The following ZSWIM8 variants were observed in gnomAD, a reference collection of about 807,000 sequenced individuals.
The protein encoded by ZSWIM8 is zinc finger SWIM-type containing 8, also known as zinc finger SWIM domain-containing protein 8.
In ZSWIM8, 27 loss-of-function variants were observed where a neutral mutation model predicts 173.7. That is an observed-to-expected ratio of 0.16 (90% confidence interval 0.11 to 0.21). The LOEUF (loss-of-function observed/expected upper bound fraction) is 0.21, where lower values mean the gene tolerates loss of function less well. ZSWIM8 is among the 10% of genes least tolerant of loss of function. The pLI is 1.00. For synonymous variants in ZSWIM8, 958 were observed against 962.0 expected (o/e 1.00, Z 0.08); for missense variants, 1,627 against 2,428.8 (o/e 0.67, Z 6.94).
At position 73,791,793 on chromosome 10, in the gene ZSWIM8, A is replaced by C; in HGVS notation, c.1320-66A>C. ...TTCCCCATGCCTCTCTTTGGGGTGT[A>C]CACCTACTCCATGCCCATCCTTTCC... On this transcript the variant is annotated intron_variant, in intron 9 of 25. Coordinates refer to ENST00000604729, the MANE Select transcript of ZSWIM8 (RefSeq NM_001367799.1). The surrounding 1 kb of genome is among the most constrained non-coding windows in gnomAD (Gnocchi z 6.0). The C allele has an allele frequency of 4.1e-5, 59 of 1,450,516 alleles. No individual in the cohort carries two copies. Among genetic ancestry groups the C allele is most frequent in the Non-Finnish European group, 4.9e-5 (54 of 1,092,696 alleles). The allele number at this position is 1,450,516 out of a possible 1,614,324, so 89.9% of individuals were successfully genotyped here. A position where few individuals can be genotyped will look rare whatever the true frequency, so the allele number is the denominator to read the frequency against.
rs747687100 is a variant in ZSWIM8, at chr10:73,800,054, T to G, written c.4709T>G (p.Val1570Gly). ...AFLGAQYPYS[V>G]TPPSLAATAV... The stretch of plus-strand genomic sequence containing the variant: ...CTAGGGGCTCAGTACCCTTATTCAG[T>G]GACTCCTCCCTCACTTGCTGCCACT... Residue 1570 changes from valine (V) to glycine (G), a missense_variant, in exon 22 of 26, where the codon GTG (valine) becomes GGG (glycine). Transcript: ENST00000604729. This position sits in a 1 kb window ranked among gnomAD's most constrained non-coding sequence, Gnocchi z 4.1. 18 of 1,613,726 alleles carry G rather than the reference T, an allele frequency of 1.1e-5. No individual in the cohort carries two copies. Among genetic ancestry groups the G allele is most frequent in the Non-Finnish European group, 1.4e-5 (16 of 1,179,852 alleles).
In ZSWIM8 at chr10:73,789,857, G is replaced by A. The variant is rs1589557622; in HGVS notation, c.738+33G>A. On this transcript the variant is annotated intron_variant, in intron 5 of 25. Coordinates refer to ENST00000604729, the MANE Select transcript of ZSWIM8 (RefSeq NM_001367799.1). This position sits in a 1 kb window ranked among gnomAD's most constrained non-coding sequence, Gnocchi z 6.8. ...AGGTCGGCACCCCCTCCTGCAATTAGCTCCGGGCCAGGCCGCATAACAGCC... is the reference window on the plus strand; with the variant it reads ...AGGTCGGCACCCCCTCCTGCAATTAACTCCGGGCCAGGCCGCATAACAGCC... 4 of 1,586,966 alleles carry A rather than the reference G, an allele frequency of 2.5e-6. No individual in the cohort carries two copies. In the African/African-American group the frequency reaches 5.4e-5, roughly 21 times the overall value.
rs2132825279 is a variant in ZSWIM8, at chr10:73,800,593, T to C, written c.5003-47T>C. 12 of 1,607,822 alleles carry C rather than the reference T, an allele frequency of 7.5e-6. No homozygotes were observed. Among genetic ancestry groups the C allele is most frequent in the Middle Eastern group, 1.7e-4 (1 of 6,018 alleles). On this transcript the variant is annotated intron_variant, in intron 23 of 25. Coordinates refer to ENST00000604729, the MANE Select transcript of ZSWIM8 (RefSeq NM_001367799.1). The surrounding 1 kb of genome is among the most constrained non-coding windows in gnomAD (Gnocchi z 4.1). ...TCAGGTGACAGGTTGGGGTAAAGGG[T>C]GAAGAGGATACACCGTACCATGTGC... is the stretch of plus-strand genomic sequence containing the variant.
Position 73,785,744 on chromosome 10 carries a change from ACGGCCGCCCTGAGCGCCC to A in ZSWIM8, c.-129_-112del. The A allele has an allele frequency of 1.1e-6, 1 of 911,432 alleles. No individual in the cohort carries two copies. The highest frequency in any genetic ancestry group is 1.5e-5 in the South Asian group (1 of 68,300). 56.5% of individuals were successfully genotyped at this position (911,432 alleles called of 1,614,324 possible). A position where few individuals can be genotyped will look rare whatever the true frequency, so the allele number is the denominator to read the frequency against. ...CCCAGGCCTGAGATTCTCGCCCGGCACGGCCGCCCTGAGCGCCCCGGCCACCCCCAGCCCCGGCTCGCC... is the reference window on the plus strand; with the variant it reads ...CCCAGGCCTGAGATTCTCGCCCGGCACGGCCACCCCCAGCCCCGGCTCGCC... On this transcript the variant is annotated 5_prime_UTR_variant, in exon 1 of 26. Transcript: ENST00000604729.
At chr10:73,787,932 TC>T (rs1281754105) in intron 1 of ZSWIM8, among the ~76,000 whole-genome samples, 2 of 152,228 alleles carry the variant, frequency 1.3e-5, no homozygotes, top group Non-Finnish European at 2.9e-5. Flanking sequence ...TCTATGATTT[TC>T]TGATCTATTA....
At position 73,792,260 on chromosome 10, in the gene ZSWIM8, C is replaced by G. The variant is rs866329243; in HGVS notation, c.1721C>G (p.Ala574Gly). ...RRLSAEGGDKALHKMGPGGGK... is the reference protein window; with the variant it reads ...RRLSAEGGDKGLHKMGPGGGK... ...CTCTCAGCTGAAGGGGGAGATAAAG[C>G]TCTACATAAGATGGGTCCAGGTGGG... Residue 574 changes from alanine (A) to glycine (G), a missense_variant, in exon 10 of 26, where the codon GCT (alanine) becomes GGT (glycine). Around this residue, in one of 18 missense-constraint regions of ZSWIM8, gnomAD observed 383 missense variants for 394.8 expected, o/e 0.97. Transcript: ENST00000604729. This position sits in a 1 kb window ranked among gnomAD's most constrained non-coding sequence, Gnocchi z 4.3. 6.3e-7 allele frequency: 1 copy of G among 1,589,004 alleles called. No individual in the cohort carries two copies. The highest frequency in any genetic ancestry group is 8.6e-7 in the Non-Finnish European group (1 of 1,166,514).
Position 73,801,115 on chromosome 10 carries a change from A to T in ZSWIM8, c.5221A>T (p.Ser1741Cys). 6.3e-7 allele frequency: 1 copy of T among 1,582,210 alleles called. No individual in the cohort carries two copies. Among genetic ancestry groups the T allele is most frequent in the South Asian group, 1.2e-5 (1 of 86,548 alleles). ...EIVMETLQRL[S>C]PAHAHNHLRA... ...CGTCATGGAGACGCTGCAGCGGCTG[A>T]GTCCCGCTCATGCCCACAACCACCT... Residue 1741 changes from serine (S) to cysteine (C), a missense_variant, in exon 25 of 26, where the codon AGT (serine) becomes TGT (cysteine). By Grantham distance (112) the Ser-to-Cys change is moderately radical (BLOSUM62 -1). Around this residue, in one of 18 missense-constraint regions of ZSWIM8, gnomAD observed 122 missense variants for 196.1 expected, o/e 0.62. Transcript: ENST00000604729. The surrounding 1 kb of genome is among the most constrained non-coding windows in gnomAD (Gnocchi z 4.9).
At position 73,791,965 on chromosome 10, in the gene ZSWIM8, C is replaced by T. The variant is rs1319034497; in HGVS notation, c.1426C>T (p.Arg476Trp). 2.6e-6 allele frequency: 4 copies of T among 1,551,050 alleles called. No homozygotes were observed. The highest frequency in any genetic ancestry group is 1.2e-5 in the South Asian group (1 of 84,066). The change falls in exon 10 of 26, where the codon CGG becomes TGG. Residue 476 changes from arginine to tryptophan, a missense_variant. This residue lies in a region of ZSWIM8 where 103 missense variants were observed against 155.6 expected (regional missense o/e 0.66). Coordinates refer to ENST00000604729, the MANE Select transcript of ZSWIM8 (RefSeq NM_001367799.1). The surrounding 1 kb of genome is among the most constrained non-coding windows in gnomAD (Gnocchi z 6.0). The stretch of plus-strand genomic sequence containing the variant: ...GCTGGAGCGGCTCTTCCCCGGCTTC[C>T]GGCCAGCGGTGGAGGCCTGCTACTT... ...KTLERLFPGF[R>W]PAVEACYFNW...
rs201747920 is a variant in ZSWIM8, at chr10:73,789,589, C to A, written c.630+50C>A. The A allele has an allele frequency of 8.2e-6, 13 of 1,588,966 alleles. No individual in the cohort carries two copies. Among genetic ancestry groups the A allele is most frequent in the Admixed American group, 1.7e-5 (1 of 57,426 alleles). On this transcript the variant is annotated intron_variant, in intron 4 of 25. Transcript: ENST00000604729. The surrounding 1 kb of genome is among the most constrained non-coding windows in gnomAD (Gnocchi z 6.8). ...GCCCTATCCTACACTCCATCCCCCC[C>A]TTCTCTGCTGCATGCCTGGCTACAA...
rs781302362 is a variant in ZSWIM8, at chr10:73,801,584, G to T, written c.*65G>T. 1.3e-6 allele frequency: 2 copies of T among 1,578,474 alleles called. No homozygotes were observed. The highest frequency in any genetic ancestry group is 1.8e-5 in the Admixed American group (1 of 54,510). ...GTGGCTATGGGGGCCCCTCACACAGGGGGAGTGAAACTTGGCTGGACAGAT... is the reference window on the plus strand; with the variant it reads ...GTGGCTATGGGGGCCCCTCACACAGTGGGAGTGAAACTTGGCTGGACAGAT... On this transcript the variant is annotated 3_prime_UTR_variant, in exon 26 of 26. Coordinates refer to ENST00000604729, the MANE Select transcript of ZSWIM8 (RefSeq NM_001367799.1). The surrounding 1 kb of genome is among the most constrained non-coding windows in gnomAD (Gnocchi z 4.9).
Position 73,799,235 on chromosome 10 carries a change from T to C in ZSWIM8, c.4410T>C (p.Thr1470=). The change falls in exon 21 of 26, where the codon ACT becomes ACC. Residue 1470 remains threonine (T), a synonymous_variant. Transcript: ENST00000604729. ...GMPEGRGGPG[T]EPVTVAAAAV... ...CTGAGGGTAGAGGGGGCCCAGGGACTGAGCCGGTTACAGTGGCAGCGGCAG... is the reference window on the plus strand; with the variant it reads ...CTGAGGGTAGAGGGGGCCCAGGGACCGAGCCGGTTACAGTGGCAGCGGCAG... The C allele has an allele frequency of 6.2e-7, 1 of 1,604,066 alleles. No homozygotes were observed. The highest frequency in any genetic ancestry group is 8.5e-7 in the Non-Finnish European group (1 of 1,175,314).
In ZSWIM8 at chr10:73,791,824, G is replaced by A; in HGVS notation, c.1320-35G>A. 6.8e-7 allele frequency: 1 copy of A among 1,476,238 alleles called. No homozygotes were observed. The highest frequency in any genetic ancestry group is 1.4e-5 in the African/African-American group (1 of 71,048). 91.4% of individuals were successfully genotyped at this position (1,476,238 alleles called of 1,614,324 possible). On this transcript the variant is annotated intron_variant, in intron 9 of 25. Coordinates refer to ENST00000604729, the MANE Select transcript of ZSWIM8 (RefSeq NM_001367799.1). This position sits in a 1 kb window ranked among gnomAD's most constrained non-coding sequence, Gnocchi z 6.0. ...ACTCCATGCCCATCCTTTCCCAGTA[G>A]CCCCTCAGCAGCCTCCTGCCCCTTG...
At chr10:73,796,131 G>A (rs2083640633) in intron 15 of ZSWIM8, among the ~76,000 whole-genome samples, 1 of 152,034 alleles carries the variant, frequency 6.6e-6, no homozygotes, top group Admixed American at 6.5e-5. Context: ...GGGAAGCAGA[G>A]GCGGGAGGAT....
At chr10:73,799,541 T>C (rs764168700) in intron 21 of ZSWIM8, 51 bp downstream of exon 21, 144 of 1,570,950 alleles carry the variant, frequency 9.2e-5, no homozygotes, top group Non-Finnish European at 1.1e-4. Flanking sequence ...TACTGGGAAT[T>C]CATAGGGGGT....
In ZSWIM8 at chr10:73,785,631, A is replaced by T. The variant is rs867758667; in HGVS notation, c.-248A>T. ...AGCCGCCTAGAGGCCCCAGCCGCCG[A>T]GCGCTTCGTCCCGGCCCTAAGTCTC... On this transcript the variant is annotated 5_prime_UTR_variant, in exon 1 of 26. Coordinates refer to ENST00000604729, the MANE Select transcript of ZSWIM8 (RefSeq NM_001367799.1). The T allele has an allele frequency of 1.7e-6, 1 of 578,114 alleles. No individual in the cohort carries two copies. 35.8% of individuals were successfully genotyped at this position (578,114 alleles called of 1,614,324 possible). A position where few individuals can be genotyped will look rare whatever the true frequency, so the allele number is the denominator to read the frequency against.
chr10:73,789,628 G>A lies in ZSWIM8; in HGVS notation c.630+89G>A, dbSNP rs1026130058. On this transcript the variant is annotated intron_variant, in intron 4 of 25. Transcript: ENST00000604729. The surrounding 1 kb of genome is among the most constrained non-coding windows in gnomAD (Gnocchi z 6.8). The stretch of plus-strand genomic sequence containing the variant: ...GCCTGGCTACAATGTGAGCCCCCTC[G>A]CCTCGCCTACTCTGCCTCTCTGTCC... The A allele has an allele frequency of 6.5e-6, 10 of 1,547,698 alleles. No individual in the cohort carries two copies. In the African/African-American group the frequency reaches 6.8e-5, roughly 11 times the overall value.
In ZSWIM8 at chr10:73,799,412, C is replaced by G; in HGVS notation, c.4587C>G (p.His1529Gln). The change falls in exon 21 of 26, where the codon CAC becomes CAG. Residue 1529 changes from histidine to glutamine, a missense_variant. Transcript: ENST00000604729. ...CCTGTAGCCCTCAGTATCTCACTCA[C>G]CCAGCTCACCCTGCCCACCCCATGC... Reference protein sequence around the residue: ...HLPCSPQYLTHPAHPAHPMPH... With the variant: ...HLPCSPQYLTQPAHPAHPMPH... 6.2e-7 allele frequency: 1 copy of G among 1,610,616 alleles called. No individual in the cohort carries two copies. Among genetic ancestry groups the G allele is most frequent in the Non-Finnish European group, 8.5e-7 (1 of 1,178,558 alleles).
chr10:73,800,848 CA>C lies in ZSWIM8; in HGVS notation c.5122+90del. 1 of 1,213,254 alleles carries C rather than the reference CA, an allele frequency of 8.2e-7. No homozygotes were observed. The highest frequency in any genetic ancestry group is 1.2e-6 in the Non-Finnish European group (1 of 862,704). The allele number at this position is 1,213,254 out of a possible 1,614,324, so 75.2% of individuals were successfully genotyped here. ...CCAGACCTCCTTCCTAGCTCTTGCTCAGAGTTGAGGCCTTGGTCGGGTATGT... is the reference window on the plus strand; with the variant it reads ...CCAGACCTCCTTCCTAGCTCTTGCTCGAGTTGAGGCCTTGGTCGGGTATGT... On this transcript the variant is annotated intron_variant, in intron 24 of 25. Coordinates refer to ENST00000604729, the MANE Select transcript of ZSWIM8 (RefSeq NM_001367799.1). This position sits in a 1 kb window ranked among gnomAD's most constrained non-coding sequence, Gnocchi z 4.1.
chr10:73,797,530 G>A lies in ZSWIM8; in HGVS notation c.3587G>A (p.Gly1196Asp), dbSNP rs757540453. Residue 1196 changes from glycine to aspartate, a missense_variant, in exon 18 of 26, where the codon GGC (glycine) becomes GAC (aspartate). By Grantham distance (94) the Gly-to-Asp change is moderately conservative. Transcript: ENST00000604729. The surrounding 1 kb of genome is among the most constrained non-coding windows in gnomAD (Gnocchi z 5.6). ...SISSSSSDSL[G>D]SSSSSGSRRA... ...AGCAGCTCTTCTTCGGACTCCCTGG[G>A]CTCCTCATCCTCCAGTGGAAGTCGC... is the stretch of plus-strand genomic sequence containing the variant. 1.5e-5 allele frequency: 25 copies of A among 1,613,812 alleles called. No individual in the cohort carries two copies. Among genetic ancestry groups the A allele is most frequent in the Non-Finnish European group, 1.7e-6 (2 of 1,179,884 alleles).
Sources: allele counts gnomAD v4.1 joint callset (sites outside exome capture counted in the v4.1 genomes callset), GRCh38; gene constraint gnomAD v4.1.1; regional missense constraint gnomAD v4.1.1; non-coding constraint Gnocchi (gnomAD v3.1); transcripts MANE v1.5; gene names NCBI Gene and HGNC (gene_info 2026-07-23, HGNC 2026-07-21).